Variants in APLF observed in about 807,000 individuals in gnomAD.
APLF encodes aprataxin and PNK-like factor.
Under a neutral mutation model 55.6 loss-of-function variants are expected in APLF, and 61 were observed. The observed-to-expected ratio is 1.10, with a 90% CI of 0.89 to 1.36. The LOEUF is 1.36. Among genes scored for constraint, APLF ranks in the 40% most tolerant of loss-of-function variants. The probability of loss-of-function intolerance (pLI) is 0.00; values close to 1 mark genes in which losing one functional copy is unlikely to be tolerated. For synonymous variants in APLF, 207 were observed against 214.8 expected, an observed-to-expected ratio of 0.96 and a Z score of 0.32; for missense variants, 611 against 602.5, an observed-to-expected ratio of 1.01 and a Z score of -0.15.
Position 68,513,064 on chromosome 2 carries a change from C to T in APLF, c.342-16C>T, listed in dbSNP as rs1425420131. The T allele has an allele frequency of 1.9e-6, 3 of 1,584,984 alleles. No homozygotes were observed. The highest frequency in any genetic ancestry group is 4.5e-5 in the East Asian group (2 of 44,670). ...TAAATTTAAAATTAAAGACCAGTTT[C>T]TATTTTATCTTATAGAAACAGTCAA... On this transcript the variant is annotated splice_polypyrimidine_tract_variant and intron_variant, in intron 3 of 9. Coordinates refer to ENST00000303795, the MANE Select transcript of APLF (RefSeq NM_173545.3).
chr2:68,484,899 G>A (rs753143257), intron 1 of APLF, among the ~76,000 whole-genome samples: 1 of 151,878 alleles, frequency 6.6e-6, no homozygotes, highest in Non-Finnish European at 1.5e-5. Flanking sequence ...TTGACTACAA[G>A]TAACAGAAAT....
chr2:68,547,182 A>G (rs968982647), intron 8 of APLF, among the ~76,000 whole-genome samples: 3 of 151,894 alleles, frequency 2.0e-5, no homozygotes, highest in Non-Finnish European at 1.5e-5. Context: ...AGGCGTAGAA[A>G]CCTCTATGAA....
At chr2:68,537,797 G>A in intron 6 of APLF, 75 bp from the exon 7 acceptor site, 1 of 1,098,098 alleles carries the variant, frequency 9.1e-7, no homozygotes, top group Non-Finnish European at 1.3e-6. Flanking sequence ...GGATCTTGTA[G>A]TTTTGTGCTG....
intron 8 of APLF, among the ~76,000 whole-genome samples, chr2:68,562,106 A>G (rs1340788490): frequency 6.6e-6 from 1 of 152,038 alleles, no homozygotes; most frequent in Non-Finnish European, 1.5e-5. Context: ...AGATGAACCT[A>G]GAGAACATTA....
chr2:68,559,514 T>C (rs1221477193), intron 8 of APLF, among the ~76,000 whole-genome samples: 1 of 152,170 alleles, frequency 6.6e-6, no homozygotes, highest in Non-Finnish European at 1.5e-5. Flanking sequence ...AACAACTCTT[T>C]CCCAAGTGTT....
At chr2:68,495,230 A>T (rs1456113313) in intron 2 of APLF, among the ~76,000 whole-genome samples, 1 of 152,212 alleles carries the variant, frequency 6.6e-6, no homozygotes, top group Non-Finnish European at 1.5e-5. Context: ...ATTACCTGAG[A>T]AGTCCAAAGT....
chr2:68,563,278 C>T, intron 8 of APLF: 1 of 984,960 alleles, frequency 1.0e-6, no homozygotes, highest in Non-Finnish European at 1.2e-6. Context: ...AACATTTTTT[C>T]CCCTTTTTAA....
chr2:68,503,895 G>A lies in APLF; in HGVS notation c.341+992G>A, dbSNP rs563216767. Among the ~76,000 whole-genome samples, 10 of 152,102 alleles carry A rather than the reference G, an allele frequency of 6.6e-5. No individual in the cohort carries two copies. In the East Asian group the frequency reaches 1.9e-3, roughly 29 times the overall value. On this transcript the variant is annotated intron_variant, in intron 3 of 9. Coordinates refer to ENST00000303795, the MANE Select transcript of APLF (RefSeq NM_173545.3). ...AAATGGCCAAAATAAAATCAGTAAA[G>A]CTATGGGCTGGTTTGGTGAAAAGAT...
chr2:68,525,999 A>G (rs1340239091), intron 5 of APLF, 62 bp from the exon 6 acceptor site: 1 of 1,452,660 alleles, frequency 6.9e-7, no homozygotes, highest in Non-Finnish European at 9.2e-7. Context: ...TTTTTTTGAT[A>G]TGGATTATTG....
chr2:68,485,422 A>G (rs1308240208), intron 1 of APLF, among the ~76,000 whole-genome samples: 2 of 152,154 alleles, frequency 1.3e-5, no homozygotes, highest in Non-Finnish European at 2.9e-5. Flanking sequence ...GTACCACATT[A>G]GGAAGCACAT....
rs538872549 is a variant in APLF at position 68,493,637 on chromosome 2, A to T, written c.168+3376A>T. Among the ~76,000 whole-genome samples, 6 of 152,282 alleles carry T rather than the reference A, an allele frequency of 3.9e-5. No individual in the cohort carries two copies. In the East Asian group the frequency reaches 1.2e-3, roughly 29 times the overall value. Reference sequence around the variant, plus strand: ...AATTAGGCCATTCATGCATTGACATAAAGAAATACCTGAGACTGGGTAATT... The same window carrying T: ...AATTAGGCCATTCATGCATTGACATTAAGAAATACCTGAGACTGGGTAATT... On this transcript the variant is annotated intron_variant, in intron 2 of 9. Coordinates refer to ENST00000303795, the MANE Select transcript of APLF (RefSeq NM_173545.3).
In APLF at chr2:68,538,173, C is replaced by T; in HGVS notation, c.1106C>T (p.Ser369Phe). 1 of 1,613,386 alleles carries T rather than the reference C, an allele frequency of 6.2e-7. No individual in the cohort carries two copies. Among genetic ancestry groups the T allele is most frequent in the Non-Finnish European group, 8.5e-7 (1 of 1,179,808 alleles). The change falls in exon 7 of 10, where the codon TCT (serine) becomes TTT (phenylalanine). Residue 369 changes from serine to phenylalanine, a missense_variant. Coordinates refer to ENST00000303795, the MANE Select transcript of APLF (RefSeq NM_173545.3). ...AKATDSVLQG[S>F]EGNKVKRTSC... ...GCAACTGATTCAGTTCTACAAGGTTCTGAAGGAAACAAGGTCAAGAGGACA... is the reference window on the plus strand; with the variant it reads ...GCAACTGATTCAGTTCTACAAGGTTTTGAAGGAAACAAGGTCAAGAGGACA...
chr2:68,520,622 TGTAA>T (rs1246454406), intron 5 of APLF, among the ~76,000 whole-genome samples: 1 of 152,054 alleles, frequency 6.6e-6, no homozygotes, highest in African/African-American at 2.4e-5. Context: ...CTCAGTTGGC[TGTAA>T]GTATTTGGCT....
At chr2:68,577,699 G>A in intron 9 of APLF, 121 bp from the exon 10 acceptor site, 1 of 1,180,360 alleles carries the variant, frequency 8.5e-7, no homozygotes, top group Non-Finnish European at 1.2e-6. Context: ...AATTTGTAGT[G>A]GTAAGCTATG....
At chr2:68,513,029 AG>A (rs1669446904) in intron 3 of APLF, 50 bp from the exon 4 acceptor site, 9 of 1,518,222 alleles carry the variant, frequency 5.9e-6, no homozygotes, top group African/African-American at 1.4e-5. Context: ...CTAAGGCAGC[AG>A]AAGTGTGTTA....
intron 2 of APLF, among the ~76,000 whole-genome samples, chr2:68,501,908 A>G (rs1037544212): frequency 2.0e-5 from 3 of 152,212 alleles, no homozygotes; most frequent in African/African-American, 7.2e-5. Context: ...ATGAACAGAC[A>G]TTTATTTGGC....
intron 1 of APLF, among the ~76,000 whole-genome samples, chr2:68,470,664 C>G (rs1675590092): frequency 6.6e-6 from 1 of 152,100 alleles, no homozygotes; most frequent in Non-Finnish European, 1.5e-5. Flanking sequence ...TTTCTGATTT[C>G]AGATTTTTCT....
intron 1 of APLF, among the ~76,000 whole-genome samples, chr2:68,489,152 A>G (rs370726624): frequency 6.6e-6 from 1 of 152,212 alleles, no homozygotes; most frequent in African/African-American, 2.4e-5. Flanking sequence ...ATTACTGTCT[A>G]TATGTTACAG....
chr2:68,501,205 A>G (rs1290458381), intron 2 of APLF, among the ~76,000 whole-genome samples: 2 of 152,176 alleles, frequency 1.3e-5, no homozygotes, highest in Admixed American at 6.5e-5. Context: ...AATATGATGT[A>G]TGGCCAGATT....
Sources: gnomAD v4.1 joint callset for allele counts (sites outside exome capture counted in the v4.1 genomes callset) on GRCh38, gnomAD v4.1.1 for gene constraint, MANE v1.5 for transcripts, NCBI Gene and HGNC (gene_info 2026-07-23, HGNC 2026-07-21) for gene names.